Variants in CUL1 observed in about 807,000 individuals in gnomAD.
CUL1 encodes the protein cullin 1.
In CUL1, 24 loss-of-function variants were observed where a neutral mutation model predicts 118.0. The observed-to-expected ratio is 0.20, with a 90% confidence interval of 0.15 to 0.29. CUL1 has a LOEUF of 0.29. CUL1 is among the 10% of genes least tolerant of loss of function. The probability of loss-of-function intolerance (pLI) is 1.00; values close to 1 mark genes in which losing one functional copy is unlikely to be tolerated. For synonymous variants in CUL1, 332 were observed against 340.4 expected (o/e 0.98, Z 0.27); for missense variants, 361 against 933.8 (o/e 0.39, Z 7.99).
At chr7:148,726,961 G>A (rs1419354342) in intron 1 of CUL1, among the ~76,000 whole-genome samples, 1 of 152,090 alleles carries the variant, frequency 6.6e-6, no homozygotes, top group Non-Finnish European at 1.5e-5. Context: ...GCAGTGAGCC[G>A]TGATCACGCC....
chr7:148,746,684 T>C (rs1445050645), intron 2 of CUL1, among the ~76,000 whole-genome samples: 1 of 152,220 alleles, frequency 6.6e-6, no homozygotes, highest in African/African-American at 2.4e-5. Context: ...CTTTATCCAC[T>C]TACGAGAATG....
chr7:148,785,572 C>T, intron 11 of CUL1, among the ~76,000 whole-genome samples: 1 of 150,394 alleles, frequency 6.6e-6, no homozygotes, highest in East Asian at 1.9e-4. Context: ...CCATGTTGGC[C>T]AGGCTCGTCT....
chr7:148,798,056 T>C, intron 19 of CUL1, 37 bp downstream of exon 19: 3 of 1,252,044 alleles, frequency 2.4e-6, no homozygotes, highest in Non-Finnish European at 3.5e-6. Context: ...CCCTTGACCA[T>C]AGACACGTCC....
intron 17 of CUL1, among the ~76,000 whole-genome samples, chr7:148,793,612 A>G (rs1204568633): frequency 1.3e-5 from 2 of 152,222 alleles, no homozygotes; most frequent in Non-Finnish European, 2.9e-5. Flanking sequence ...CCCATGTTCT[A>G]GCATGTGTTG....
chr7:148,744,892 C>G (rs1799260208), intron 2 of CUL1, among the ~76,000 whole-genome samples: 1 of 152,006 alleles, frequency 6.6e-6, no homozygotes, highest in South Asian at 2.1e-4. Flanking sequence ...TTTTTTCTTT[C>G]AGCATTTTTT....
At chr7:148,788,272 A>G (rs1800886751) in intron 13 of CUL1, among the ~76,000 whole-genome samples, 1 of 152,206 alleles carries the variant, frequency 6.6e-6, no homozygotes, top group Non-Finnish European at 1.5e-5. Flanking sequence ...TCATCATTGT[A>G]TTCTACCAGT....
chr7:148,739,286 A>G lies in CUL1; in HGVS notation c.140+9024A>G, dbSNP rs529022126. 1.4e-3 allele frequency among the ~76,000 whole-genome samples: 213 copies of G among 152,224 alleles called. 1 individual carries two copies. Among genetic ancestry groups the G allele is most frequent in the African/African-American group, 5.0e-3 (207 of 41,530 alleles). ...GCCTGCTCATTCCATTTCTGATAAC[A>G]TTTCTCCATATAGTTCAGTTGATTT... On this transcript the variant is annotated intron_variant, in intron 2 of 21. Coordinates refer to ENST00000325222, the MANE Select transcript of CUL1 (RefSeq NM_003592.3).
At chr7:148,738,240 G>A (rs556372344) in intron 2 of CUL1, among the ~76,000 whole-genome samples, 184 of 152,276 alleles carry the variant, frequency 1.2e-3, no homozygotes, top group Non-Finnish European at 1.8e-3. Flanking sequence ...AGTAGATGCT[G>A]AACTCCAGGA....
intron 9 of CUL1, among the ~76,000 whole-genome samples, chr7:148,771,283 T>G (rs1286612617): frequency 6.6e-6 from 1 of 152,256 alleles, no homozygotes; most frequent in Non-Finnish European, 1.5e-5. Flanking sequence ...TGGCCTAGAC[T>G]GAAATTCGTA....
At chr7:148,765,831 A>G (rs931711565) in intron 7 of CUL1, among the ~76,000 whole-genome samples, 14 of 152,248 alleles carry the variant, frequency 9.2e-5, no homozygotes, top group African/African-American at 3.1e-4. Flanking sequence ...TTCAGGGCTT[A>G]TATTTGTGTG....
In CUL1 at chr7:148,800,209, G is replaced by A. The variant is rs1801339333; in HGVS notation, c.2251-293G>A. On this transcript the variant is annotated intron_variant, in intron 21 of 21. Transcript: ENST00000325222. This position sits in a 1 kb window ranked among gnomAD's most constrained non-coding sequence, Gnocchi z 4.6. Reference sequence around the variant, plus strand: ...GCCGCAGAGGCAGGCAGATTTTGGTGGTAGAAAGGGAGACTGGCCCACGGG... The same window carrying A: ...GCCGCAGAGGCAGGCAGATTTTGGTAGTAGAAAGGGAGACTGGCCCACGGG... 6.6e-6 allele frequency among the ~76,000 whole-genome samples: 1 copy of A among 152,190 alleles called. No individual in the cohort carries two copies. The highest frequency in any genetic ancestry group is 1.5e-5 in the Non-Finnish European group (1 of 68,018).
chr7:148,767,375 G>A (rs760777419), intron 8 of CUL1, among the ~76,000 whole-genome samples: 1 of 151,372 alleles, frequency 6.6e-6, no homozygotes. Flanking sequence ...TCACAGTAAG[G>A]GGGAAAATAA....
intron 1 of CUL1, among the ~76,000 whole-genome samples, chr7:148,728,969 A>C (rs879748160): frequency 6.6e-6 from 1 of 152,240 alleles, no homozygotes; most frequent in Non-Finnish European, 1.5e-5. Context: ...TGCTTTATGA[A>C]ACCATTCAAA....
intron 1 of CUL1, among the ~76,000 whole-genome samples, chr7:148,713,299 C>G (rs1195318648): frequency 6.6e-6 from 1 of 152,174 alleles, no homozygotes; most frequent in African/African-American, 2.4e-5. Flanking sequence ...GCAGTTAAAA[C>G]TAGTTTATTT....
intron 16 of CUL1, among the ~76,000 whole-genome samples, chr7:148,792,185 CA>C (rs11340035): frequency 0.66 from 95,472 of 143,680 alleles, 31,115 homozygotes; most frequent in African/African-American, 0.77. Context: ...GACTTTGTCT[CA>C]AAAAAAAAAA....
At chr7:148,704,336 A>G (rs1797816684) in intron 1 of CUL1, among the ~76,000 whole-genome samples, 1 of 152,238 alleles carries the variant, frequency 6.6e-6, no homozygotes, top group South Asian at 2.1e-4. Flanking sequence ...TGGTGAAGGT[A>G]TGGAGAAATG....
chr7:148,757,175 T>G, intron 4 of CUL1, 25 bp downstream of exon 4: 2 of 1,396,402 alleles, frequency 1.4e-6, no homozygotes, highest in Non-Finnish European at 1.9e-6. Context: ...TTAAAACGTT[T>G]TAAATTTGTT....
intron 1 of CUL1, among the ~76,000 whole-genome samples, chr7:148,705,210 G>T (rs983244051): frequency 6.6e-6 from 1 of 152,074 alleles, no homozygotes; most frequent in Non-Finnish European, 1.5e-5. Flanking sequence ...ACTAGATTAG[G>T]TACTAATGAA....
intron 15 of CUL1, among the ~76,000 whole-genome samples, chr7:148,790,104 G>A (rs1375544979): frequency 6.6e-6 from 1 of 152,228 alleles, no homozygotes; most frequent in Non-Finnish European, 1.5e-5. Flanking sequence ...GGACCTGCTG[G>A]TCTTGAAGTA....
Sources: gnomAD v4.1 joint callset for allele counts (sites outside exome capture counted in the v4.1 genomes callset) on GRCh38, gnomAD v4.1.1 for gene constraint, Gnocchi (gnomAD v3.1) non-coding constraint, MANE v1.5 for transcripts, NCBI Gene and HGNC (gene_info 2026-07-23, HGNC 2026-07-21) for gene names.